Variants in MYO16 observed in about 807,000 individuals in gnomAD.
The protein encoded by MYO16 is myosin XVI.
A neutral mutation model predicts 205.3 loss-of-function variants in MYO16; 94 were observed. The observed-to-expected ratio is 0.46, with a 90% confidence interval of 0.39 to 0.54. MYO16 has a LOEUF of 0.54. MYO16 is among the 20% of genes least tolerant of loss of function. The probability of loss-of-function intolerance (pLI) is 0.00; values close to 1 mark genes in which losing one functional copy is unlikely to be tolerated. For synonymous variants in MYO16, 988 were observed against 954.0 expected (o/e 1.04, Z -0.66); for missense variants, 2,315 against 2,387.5 (o/e 0.97, Z 0.63).
intron 1 of MYO16, among the ~76,000 whole-genome samples, chr13:108,663,424 C>T (rs1021219689): frequency 9.9e-5 from 15 of 151,844 alleles, no homozygotes; most frequent in Admixed American, 5.3e-4. Flanking sequence ...AGTCAAAATG[C>T]GCAATAAATT....
chr13:108,501,183 C>T, the MYO16 span, among the ~76,000 whole-genome samples: 1 of 152,168 alleles, frequency 6.6e-6, no homozygotes, highest in Non-Finnish European at 1.5e-5. Flanking sequence ...TTCCCTGGCA[C>T]TGTGGTTACT....
chr13:108,940,418 T>C (rs984324062), intron 16 of MYO16, among the ~76,000 whole-genome samples: 1 of 152,156 alleles, frequency 6.6e-6, no homozygotes, highest in African/African-American at 2.4e-5. Context: ...ACAATTGACT[T>C]GATCAGAAAC....
At chr13:109,147,290 A>G (rs1008596652) in intron 32 of MYO16, among the ~76,000 whole-genome samples, 2 of 152,218 alleles carry the variant, frequency 1.3e-5, no homozygotes, top group Non-Finnish European at 2.9e-5. Flanking sequence ...AGATGTTTCT[A>G]TGCCAAATCA....
chr13:108,851,709 C>A (rs565392619), intron 10 of MYO16, among the ~76,000 whole-genome samples: 1 of 152,288 alleles, frequency 6.6e-6, no homozygotes, highest in African/African-American at 2.4e-5. Context: ...TCCTCCTCCT[C>A]TTTGACCTCT....
intron 28 of MYO16, among the ~76,000 whole-genome samples, chr13:109,113,539 C>T (rs528174373): frequency 3.9e-5 from 6 of 152,202 alleles, no homozygotes; most frequent in South Asian, 2.1e-4. Context: ...AAAAAATGGA[C>T]GCATGTAGAC....
chr13:108,798,702 T>TTTA (rs1566336279), intron 6 of MYO16, among the ~76,000 whole-genome samples: 3 of 125,374 alleles, frequency 2.4e-5, no homozygotes, highest in Admixed American at 8.2e-5. Flanking sequence ...TTTTTTTTTT[T>TTTA]TTTTTTTTTT....
At chr13:108,524,349 G>A in the MYO16 span, among the ~76,000 whole-genome samples, 1 of 151,658 alleles carries the variant, frequency 6.6e-6, no homozygotes, top group Admixed American at 6.6e-5. Context: ...AATAAAGTGT[G>A]TGGCACTTCC....
chr13:108,654,443 T>G (rs985873058), intron 1 of MYO16, among the ~76,000 whole-genome samples: 16 of 152,232 alleles, frequency 1.1e-4, no homozygotes, highest in African/African-American at 3.9e-4. Context: ...GCCATGATTC[T>G]GAGGCGTCCC....
intron 27 of MYO16, among the ~76,000 whole-genome samples, chr13:109,082,922 A>T (rs1322791816): frequency 2.0e-5 from 3 of 152,214 alleles, no homozygotes; most frequent in African/African-American, 7.2e-5. Flanking sequence ...GCGTATGAAT[A>T]TAAGAATATA....
chr13:108,961,479 T>G lies in MYO16; in HGVS notation c.2038-60T>G, dbSNP rs972485022. On this transcript the variant is annotated intron_variant, in intron 17 of 34. Coordinates refer to ENST00000457511, the MANE Select transcript of MYO16 (RefSeq NM_001198950.3). ...ACTTACTTTTAGATATTTAAAAATT[T>G]TGCCTTTTAATCTTTCTTCTAAGCA... is the stretch of plus-strand genomic sequence containing the variant. 3 of 1,346,686 alleles carry G rather than the reference T, an allele frequency of 2.2e-6. No individual in the cohort carries two copies. The African/African-American group carries it at 4.3e-5, about 20-fold the overall frequency. 83.4% of individuals were successfully genotyped at this position (1,346,686 alleles called of 1,614,324 possible). A position where few individuals can be genotyped will look rare whatever the true frequency, so the allele number is the denominator to read the frequency against.
At chr13:108,623,615 G>A (rs994814762) in intron 1 of MYO16, among the ~76,000 whole-genome samples, 1 of 152,106 alleles carries the variant, frequency 6.6e-6, no homozygotes, top group African/African-American at 2.4e-5. Flanking sequence ...GGTAAGTTAT[G>A]TTTACTTAAG....
At chr13:109,205,496 A>G (rs1880561501) in intron 34 of MYO16, among the ~76,000 whole-genome samples, 1 of 152,212 alleles carries the variant, frequency 6.6e-6, no homozygotes, top group Non-Finnish European at 1.5e-5. Context: ...AAGTGCTGGA[A>G]CAAAGTAGTT....
intron 11 of MYO16, among the ~76,000 whole-genome samples, chr13:108,858,471 C>A (rs747888450): frequency 2.6e-5 from 4 of 152,136 alleles, no homozygotes; most frequent in Non-Finnish European, 5.9e-5. Flanking sequence ...ACTCTTGTCA[C>A]TTCTTGGGCC....
chr13:108,737,928 G>A (rs1368561241), intron 4 of MYO16, among the ~76,000 whole-genome samples: 1 of 152,172 alleles, frequency 6.6e-6, no homozygotes, highest in Admixed American at 6.5e-5. Context: ...TTGTGTAGAG[G>A]TGTTTATAAT....
the MYO16 span, among the ~76,000 whole-genome samples, chr13:108,497,599 C>A: frequency 1.9e-4 from 29 of 152,262 alleles, no homozygotes; most frequent in Admixed American, 1.7e-3. Flanking sequence ...ATCTAGAGGG[C>A]AGAATGCTAT....
At chr13:108,945,355 G>A (rs193288495) in intron 16 of MYO16, among the ~76,000 whole-genome samples, 18 of 152,264 alleles carry the variant, frequency 1.2e-4, no homozygotes, top group Non-Finnish European at 2.6e-4. Flanking sequence ...TTCATGGCCA[G>A]GGACCACTTA....
At chr13:109,077,773 C>T (rs1391380087) in intron 27 of MYO16, among the ~76,000 whole-genome samples, 3 of 152,174 alleles carry the variant, frequency 2.0e-5, no homozygotes, top group Non-Finnish European at 4.4e-5. Context: ...GTAGTTCCTT[C>T]ATGCTTCTTG....
At chr13:108,880,160 CT>C (rs1879538986) in intron 12 of MYO16, among the ~76,000 whole-genome samples, 1 of 152,160 alleles carries the variant, frequency 6.6e-6, no homozygotes, top group Admixed American at 6.5e-5. Context: ...TAAATGTCTT[CT>C]TTTGGGAAGT....
At chr13:109,048,291 A>G (rs1472228146) in intron 24 of MYO16, 4 of 721,138 alleles carry the variant, frequency 5.5e-6, no homozygotes, top group Admixed American at 4.3e-5. Flanking sequence ...TTTGTACAAA[A>G]AAAAGTTCCA....
Sources: gnomAD v4.1 joint callset for allele counts (sites outside exome capture counted in the v4.1 genomes callset) on GRCh38, gnomAD v4.1.1 for gene constraint, MANE v1.5 for transcripts, NCBI Gene and HGNC (gene_info 2026-07-23, HGNC 2026-07-21) for gene names.